The following CSMD1 variants were observed in gnomAD, a reference collection of about 807,000 sequenced individuals.
CSMD1 encodes the protein CUB and Sushi multiple domains 1.
CSMD1 carries 213 observed loss-of-function variants against 417.5 expected under a neutral mutation model. That is an observed-to-expected ratio of 0.51 (90% CI 0.46 to 0.57). The LOEUF (loss-of-function observed/expected upper bound fraction) is 0.57. CSMD1 is among the 20% of genes least tolerant of loss of function. The probability of loss-of-function intolerance (pLI) is 0.00; values close to 1 mark genes in which losing one functional copy is unlikely to be tolerated. For missense variants in CSMD1, 6,923 were observed against 4,529.7 expected (o/e 1.53, Z -15.17); for synonymous variants, 2,862 against 1,736.8 (o/e 1.65, Z -16.11).
intron 5 of CSMD1, among the ~76,000 whole-genome samples, chr8:3,887,432 T>C (rs10089497): frequency 0.016 from 2,463 of 152,316 alleles, 71 homozygotes; most frequent in African/African-American, 0.055. Context: ...GGACAAATTA[T>C]AGACCCTATC....
intron 3 of CSMD1, among the ~76,000 whole-genome samples, chr8:4,273,147 C>T (rs919425745): frequency 2.0e-5 from 3 of 152,106 alleles, no homozygotes; most frequent in East Asian, 1.9e-4. Flanking sequence ...TTACCATTTA[C>T]TCTTACCTTT....
chr8:4,437,904 G>A (rs530416648), intron 2 of CSMD1, among the ~76,000 whole-genome samples: 3 of 151,966 alleles, frequency 2.0e-5, no homozygotes, highest in South Asian at 2.1e-4. Flanking sequence ...TGAGAAGCCG[G>A]CTCTCAGGCT....
At chr8:3,539,323 C>G (rs1179167946) in intron 10 of CSMD1, among the ~76,000 whole-genome samples, 4 of 152,164 alleles carry the variant, frequency 2.6e-5, no homozygotes, top group Non-Finnish European at 5.9e-5. Flanking sequence ...AAGCCAATCC[C>G]AGCTCTTTCT....
intron 11 of CSMD1, among the ~76,000 whole-genome samples, chr8:3,483,531 A>G (rs932888186): frequency 2.0e-5 from 3 of 152,144 alleles, no homozygotes; most frequent in Admixed American, 6.5e-5. Flanking sequence ...GTTTCAATAG[A>G]AAATTCTACT....
At chr8:4,807,355 G>A (rs898602471) in intron 1 of CSMD1, among the ~76,000 whole-genome samples, 1 of 152,116 alleles carries the variant, frequency 6.6e-6, no homozygotes, top group African/African-American at 2.4e-5. Flanking sequence ...AACCTATTCA[G>A]GGCAGTACTC....
chr8:3,801,664 T>G (rs1041226143), intron 5 of CSMD1, among the ~76,000 whole-genome samples: 1 of 152,090 alleles, frequency 6.6e-6, no homozygotes, highest in Non-Finnish European at 1.5e-5. Flanking sequence ...ACACAAAAAC[T>G]AGTGGGCAAA....
intron 3 of CSMD1, among the ~76,000 whole-genome samples, chr8:4,172,007 A>G (rs537430386): frequency 1.2e-4 from 18 of 152,306 alleles, no homozygotes; most frequent in Non-Finnish European, 2.4e-4. Flanking sequence ...TAATACCACC[A>G]AAGCAGCACA....
rs150630811 is a variant in CSMD1 at position 4,653,065 on chromosome 8, C to T, written c.86-15507G>A. Among the ~76,000 whole-genome samples, 346 of 152,098 alleles carry T rather than the reference C, an allele frequency of 2.3e-3. 6 individuals are homozygous for T. The highest frequency in any genetic ancestry group is 8.1e-3 in the African/African-American group (337 of 41,424). ...TGTCCTCAGTCCAGGGCTTGGGGAC[C>T]CCGCTCTAGAGGATGTGTTTATGAG... On this transcript the variant is annotated intron_variant, in intron 1 of 69. Coordinates refer to ENST00000635120, the MANE Select transcript of CSMD1 (RefSeq NM_033225.6).
At chr8:4,949,150 T>C (rs1321428155) in intron 1 of CSMD1, among the ~76,000 whole-genome samples, 3 of 152,172 alleles carry the variant, frequency 2.0e-5, no homozygotes, top group African/African-American at 7.2e-5. Flanking sequence ...TGCCTTTGTA[T>C]TCTTAGGATA....
intron 5 of CSMD1, among the ~76,000 whole-genome samples, chr8:3,780,543 G>C (rs1779730805): frequency 1.3e-5 from 2 of 152,152 alleles, no homozygotes; most frequent in East Asian, 1.9e-4. Flanking sequence ...GATGGGTAAT[G>C]AGCTTCAACA....
intron 3 of CSMD1, among the ~76,000 whole-genome samples, chr8:4,091,633 A>G (rs1024958622): frequency 6.6e-6 from 1 of 152,176 alleles, no homozygotes. Flanking sequence ...CAATTCCAAT[A>G]AAGAGCCCCA....
chr8:3,784,806 C>G (rs904383833), intron 5 of CSMD1, among the ~76,000 whole-genome samples: 6 of 152,194 alleles, frequency 3.9e-5, no homozygotes, highest in African/African-American at 1.4e-4. Context: ...TTGCATATCA[C>G]AATTGCTTGC....
At chr8:4,148,445 C>G (rs146913718) in intron 3 of CSMD1, among the ~76,000 whole-genome samples, 4,047 of 151,964 alleles carry the variant, frequency 0.027, 192 homozygotes, top group African/African-American at 0.091. Flanking sequence ...CTGCAGCACA[C>G]CAACATGGCA....
intron 5 of CSMD1, among the ~76,000 whole-genome samples, chr8:3,951,703 A>G (rs916674526): frequency 6.6e-6 from 1 of 152,202 alleles, no homozygotes; most frequent in Admixed American, 6.5e-5. Flanking sequence ...CTAATTTAAA[A>G]TGAGACTTCA....
intron 2 of CSMD1, among the ~76,000 whole-genome samples, chr8:4,547,652 T>G (rs969576608): frequency 6.6e-6 from 1 of 152,210 alleles, no homozygotes; most frequent in South Asian, 2.1e-4. Flanking sequence ...ACTCAATGAA[T>G]GTAAAACGAA....
rs893531999 is a variant in CSMD1 at position 2,955,603 on chromosome 8, G to A, written c.9980C>T (p.Ser3327Leu). 7 of 1,613,404 alleles carry A rather than the reference G, an allele frequency of 4.3e-6. No individual in the cohort carries two copies. Among genetic ancestry groups the A allele is most frequent in the East Asian group, 4.5e-5 (2 of 44,868 alleles). The change falls in exon 64 of 70, where the codon TCG becomes TTG. Residue 3327 changes from serine to leucine, a missense_variant. By Grantham distance (145) the Ser-to-Leu change is moderately radical. Transcript: ENST00000635120. ...CKADMKWTGK[S>L]PVCKSKGVRE... is the part of the protein sequence containing the mutation. ...CAATGACTTACTTTTACACACAGGC[G>A]ACTTTCCTGTCCATTTCATGTCTGC...
At chr8:4,589,041 T>A (rs751325505) in intron 2 of CSMD1, among the ~76,000 whole-genome samples, 2 of 152,106 alleles carry the variant, frequency 1.3e-5, no homozygotes, top group African/African-American at 2.4e-5. Flanking sequence ...ACATGCACAT[T>A]ATATAATGTG....
chr8:4,274,846 C>T (rs942224925), intron 3 of CSMD1, among the ~76,000 whole-genome samples: 1 of 152,090 alleles, frequency 6.6e-6, no homozygotes, highest in African/African-American at 2.4e-5. Context: ...AACTATTGTA[C>T]TGCTTTTATT....
chr8:3,565,159 A>AAAG (rs1554471702), intron 10 of CSMD1, among the ~76,000 whole-genome samples: 4 of 138,024 alleles, frequency 2.9e-5, no homozygotes, highest in African/African-American at 2.7e-5. Flanking sequence ...AAAAAAAAAA[A>AAAG]AGAGAGAGAT....
Sources: gnomAD v4.1 joint callset for allele counts (sites outside exome capture counted in the v4.1 genomes callset) on GRCh38, gnomAD v4.1.1 for gene constraint, MANE v1.5 for transcripts, NCBI Gene and HGNC (gene_info 2026-07-23, HGNC 2026-07-21) for gene names.